The following VWA3B variants were observed in gnomAD, a reference collection of about 807,000 sequenced individuals.
VWA3B encodes von Willebrand factor A domain containing 3B.
A neutral mutation model predicts 158.3 loss-of-function variants in VWA3B; 138 were observed. That is an observed-to-expected ratio of 0.87 (90% CI 0.76 to 1.00). VWA3B has a LOEUF of 1.00. Among genes scored for constraint, VWA3B ranks in the 50% least tolerant of loss-of-function variants. The pLI is 0.00. For synonymous variants in VWA3B, 596 were observed against 587.3 expected (o/e 1.01, Z -0.21); for missense variants, 1,555 against 1,565.1 (o/e 0.99, Z 0.11).
chr2:98,207,340 C>A, intron 12 of VWA3B: 1 of 487,948 alleles, frequency 2.0e-6, no homozygotes. Context: ...TGTGGATCCT[C>A]TGGACTCCAT....
intron 26 of VWA3B, among the ~76,000 whole-genome samples, chr2:98,306,046 G>A (rs993985725): frequency 6.6e-6 from 1 of 152,028 alleles, no homozygotes; most frequent in Non-Finnish European, 1.5e-5. Flanking sequence ...CTACATGTAG[G>A]TTTTGCCCAC....
At chr2:98,291,328 A>G (rs1689483778) in intron 23 of VWA3B, 1 of 152,408 alleles carries the variant, frequency 6.6e-6, no homozygotes, top group African/African-American at 2.4e-5. Context: ...TGAAGGAATC[A>G]GCCAGCTGCA....
Position 98,230,529 on chromosome 2 carries a change from G to GT in VWA3B, c.2308+323dup, listed in dbSNP as rs1685267341. Among the ~76,000 whole-genome samples the GT allele has an allele frequency of 3.3e-5, 5 of 152,150 alleles. No homozygotes were observed. In the South Asian group the frequency reaches 1.0e-3, roughly 32 times the overall value. On this transcript the variant is annotated intron_variant, in intron 16 of 27. Coordinates refer to ENST00000477737, the MANE Select transcript of VWA3B (RefSeq NM_144992.5). ...AGTGTGTGTGTGTATGTGTGTGTGT[G>GT]TGTCTGACAGTGTGTGTTTAGGTCT...
Position 98,093,365 on chromosome 2 carries a change from C to A in VWA3B, c.196+77C>A, listed in dbSNP as rs1682490488. On this transcript the variant is annotated intron_variant, in intron 2 of 27. Coordinates refer to ENST00000477737, the MANE Select transcript of VWA3B (RefSeq NM_144992.5). The stretch of plus-strand genomic sequence containing the variant: ...GGTGGCTGCATCAGCTCTGAAGGCC[C>A]CTCAAAAACCACAGGTCTCTGAGCT... The A allele has an allele frequency of 2.7e-6, 4 of 1,468,176 alleles. No individual in the cohort carries two copies. The Admixed American group carries it at 5.6e-5, about 21-fold the overall frequency. 90.9% of individuals were successfully genotyped at this position (1,468,176 alleles called of 1,614,324 possible). A position where few individuals can be genotyped will look rare whatever the true frequency, so the allele number is the denominator to read the frequency against.
At chr2:98,256,647 G>A (rs919889884) in intron 21 of VWA3B, among the ~76,000 whole-genome samples, 13 of 152,120 alleles carry the variant, frequency 8.5e-5, no homozygotes, top group Admixed American at 8.5e-4. Flanking sequence ...GTTGCTATAT[G>A]CATTTGTGTA....
chr2:98,273,148 T>C (rs1436375196), intron 22 of VWA3B, among the ~76,000 whole-genome samples: 8 of 152,230 alleles, frequency 5.3e-5, no homozygotes, highest in African/African-American at 1.9e-4. Context: ...TTCACCACAT[T>C]ATAGTCTAAA....
intron 19 of VWA3B, among the ~76,000 whole-genome samples, chr2:98,249,426 G>T (rs1224292478): frequency 6.6e-6 from 1 of 152,152 alleles, no homozygotes; most frequent in African/African-American, 2.4e-5. Flanking sequence ...TTGAAGGAGG[G>T]TTTCAATTCT....
chr2:98,159,257 T>C (rs1678367125), intron 7 of VWA3B, among the ~76,000 whole-genome samples: 1 of 152,088 alleles, frequency 6.6e-6, no homozygotes, highest in Admixed American at 6.5e-5. Context: ...TTGTTTTGGT[T>C]TGGTTTTTTT....
At chr2:98,165,227 A>G (rs1286973095) in intron 8 of VWA3B, among the ~76,000 whole-genome samples, 3 of 152,214 alleles carry the variant, frequency 2.0e-5, no homozygotes, top group Non-Finnish European at 4.4e-5. Flanking sequence ...AGCTCATTTC[A>G]TATTTGCTAC....
At chr2:98,306,519 A>G (rs915734348) in intron 26 of VWA3B, among the ~76,000 whole-genome samples, 1 of 152,082 alleles carries the variant, frequency 6.6e-6, no homozygotes, top group African/African-American at 2.4e-5. Flanking sequence ...ATGGGTTGAT[A>G]CTTCATTTAA....
At chr2:98,220,921 G>T (rs537827575) in intron 14 of VWA3B, among the ~76,000 whole-genome samples, 1 of 152,204 alleles carries the variant, frequency 6.6e-6, no homozygotes, top group East Asian at 1.9e-4. Flanking sequence ...GCCGAACAAT[G>T]AGAACACATG....
At chr2:98,208,171 A>T (rs1683175926) in intron 12 of VWA3B, among the ~76,000 whole-genome samples, 1 of 151,982 alleles carries the variant, frequency 6.6e-6, no homozygotes, top group Non-Finnish European at 1.5e-5. Context: ...TAATATTAAT[A>T]TACTTATTTT....
At chr2:98,157,287 A>G (rs569680246) in intron 7 of VWA3B, among the ~76,000 whole-genome samples, 1 of 152,334 alleles carries the variant, frequency 6.6e-6, no homozygotes, top group East Asian at 1.9e-4. Context: ...AAATGACTCT[A>G]TATTCACTTT....
At chr2:98,088,433 G>A (rs957613848) in intron 1 of VWA3B, among the ~76,000 whole-genome samples, 4 of 152,132 alleles carry the variant, frequency 2.6e-5, no homozygotes, top group African/African-American at 7.2e-5. Flanking sequence ...TCCAGTAGAC[G>A]GGGCCCTTGT....
chr2:98,205,627 G>A (rs1682950849), intron 12 of VWA3B, among the ~76,000 whole-genome samples: 2 of 151,892 alleles, frequency 1.3e-5, no homozygotes, highest in Non-Finnish European at 2.9e-5. Flanking sequence ...TTATAGTTTT[G>A]GCATATTTTT....
At chr2:98,227,878 A>G (rs1476535540) in intron 14 of VWA3B, among the ~76,000 whole-genome samples, 1 of 152,252 alleles carries the variant, frequency 6.6e-6, no homozygotes, top group East Asian at 1.9e-4. Flanking sequence ...GGTGCATTTT[A>G]CAGATGTTCA....
chr2:98,298,418 T>C (rs1689958716), intron 24 of VWA3B, among the ~76,000 whole-genome samples: 1 of 151,004 alleles, frequency 6.6e-6, no homozygotes, highest in Non-Finnish European at 1.5e-5. Flanking sequence ...TATTCTATTC[T>C]ATTCTATTCT....
intron 19 of VWA3B, among the ~76,000 whole-genome samples, chr2:98,237,282 A>G (rs1316383702): frequency 6.6e-6 from 1 of 152,230 alleles, no homozygotes; most frequent in Non-Finnish European, 1.5e-5. Flanking sequence ...GGGGCTGCAG[A>G]AATGATTGAA....
chr2:98,320,123 C>T, the VWA3B span, among the ~76,000 whole-genome samples: 1 of 152,116 alleles, frequency 6.6e-6, no homozygotes, highest in East Asian at 1.9e-4. Context: ...TGGGGCTGGT[C>T]TTTCCCATGC....
Sources: gnomAD v4.1 joint callset for allele counts (sites outside exome capture counted in the v4.1 genomes callset) on GRCh38, gnomAD v4.1.1 for gene constraint, MANE v1.5 for transcripts, NCBI Gene and HGNC (gene_info 2026-07-23, HGNC 2026-07-21) for gene names.